NAV3: variants seen among roughly 807,000 people sequenced by gnomAD.
NAV3 encodes the protein neuron navigator 3, also known as pore membrane and/or filament interacting like protein 1.
NAV3 carries 87 observed loss-of-function variants against 244.7 expected under a neutral mutation model. The observed-to-expected ratio is 0.36, with a 90% CI of 0.30 to 0.42. The LOEUF (loss-of-function observed/expected upper bound fraction) is 0.42, where lower values mean the gene tolerates loss of function less well. Among genes scored for constraint, NAV3 ranks in the 20% least tolerant of loss-of-function variants. The probability of loss-of-function intolerance (pLI) is 1.00; values close to 1 mark genes in which losing one functional copy is unlikely to be tolerated. For synonymous variants in NAV3, 1,126 were observed against 1,042.2 expected (o/e 1.08, Z -1.55); for missense variants, 2,663 against 2,893.3 (o/e 0.92, Z 1.83).
chr12:77,705,857 T>TC (rs1875775002), intron 2 of NAV3, among the ~76,000 whole-genome samples: 1 of 151,584 alleles, frequency 6.6e-6, no homozygotes, highest in East Asian at 1.9e-4. Context: ...TGATTTTTTT[T>TC]CTTTGTCTTA....
At chr12:77,840,855 A>G (rs777446317) in intron 1 of NAV3, among the ~76,000 whole-genome samples, 10 of 152,168 alleles carry the variant, frequency 6.6e-5, no homozygotes, top group Non-Finnish European at 1.3e-4. Context: ...TTTCCTCACA[A>G]CAATGTATAG....
intron 5 of NAV3, among the ~76,000 whole-genome samples, chr12:77,968,995 A>G (rs1892758265): frequency 6.6e-6 from 1 of 152,164 alleles, no homozygotes; most frequent in Non-Finnish European, 1.5e-5. Context: ...TCTTCTACAA[A>G]TGACTTTAGT....
upstream of NAV3, among the ~76,000 whole-genome samples, chr12:77,828,066 T>C (rs998001777): frequency 2.6e-5 from 4 of 152,184 alleles, no homozygotes; most frequent in African/African-American, 4.8e-5. Context: ...CAAAAACTCA[T>C]GTTGAAATTT....
chr12:77,661,820 C>T (rs1873463818), intron 2 of NAV3, among the ~76,000 whole-genome samples: 1 of 151,892 alleles, frequency 6.6e-6, no homozygotes. Flanking sequence ...CATTGAGTTG[C>T]CTTGCACCTT....
At chr12:77,682,726 G>A (rs1445040399) in intron 2 of NAV3, among the ~76,000 whole-genome samples, 4 of 151,876 alleles carry the variant, frequency 2.6e-5, no homozygotes, top group Admixed American at 2.6e-4. Flanking sequence ...CTTCACTGTG[G>A]TTTAGATTTG....
At chr12:77,754,391 A>C (rs74106531) in intron 2 of NAV3, among the ~76,000 whole-genome samples, 10 of 152,130 alleles carry the variant, frequency 6.6e-5, no homozygotes, top group African/African-American at 1.9e-4. Context: ...TTCAAGCTAC[A>C]CTCCAACACA....
intron 16 of NAV3, among the ~76,000 whole-genome samples, chr12:78,125,567 T>C (rs2138775916): frequency 6.6e-6 from 1 of 152,330 alleles, no homozygotes; most frequent in East Asian, 1.9e-4. Flanking sequence ...ATGTCAGATC[T>C]GGCAACGCTG....
intron 2 of NAV3, among the ~76,000 whole-genome samples, chr12:77,573,085 G>A (rs1868905968): frequency 6.6e-6 from 1 of 152,136 alleles, no homozygotes; most frequent in South Asian, 2.1e-4. Context: ...GGTGTGTGGG[G>A]ACCCAGTAGC....
At chr12:77,931,306 T>TTG (rs1348069739) in intron 1 of NAV3, among the ~76,000 whole-genome samples, 1 of 151,754 alleles carries the variant, frequency 6.6e-6, no homozygotes, top group Non-Finnish European at 1.5e-5. Flanking sequence ...GTGTGTGTAT[T>TTG]TGTGTGTGTG....
intron 22 of NAV3, among the ~76,000 whole-genome samples, chr12:78,150,639 A>T (rs912370699): frequency 1.5e-5 from 2 of 133,072 alleles, no homozygotes; most frequent in South Asian, 2.2e-4. Context: ...CCTCACACAC[A>T]CACACACACA....
intron 8 of NAV3, among the ~76,000 whole-genome samples, chr12:78,021,184 G>A (rs1165754582): frequency 6.6e-6 from 1 of 152,084 alleles, no homozygotes; most frequent in Non-Finnish European, 1.5e-5. Flanking sequence ...TACATACATA[G>A]ACAAATGTGA....
At chr12:78,053,675 A>G (rs1432490002) in intron 11 of NAV3, among the ~76,000 whole-genome samples, 3 of 152,186 alleles carry the variant, frequency 2.0e-5, no homozygotes, top group African/African-American at 4.8e-5. Context: ...CTCAGCATAA[A>G]AACACAAAAA....
chr12:78,199,762 C>T (rs1959440751), intron 37 of NAV3, among the ~76,000 whole-genome samples: 1 of 151,768 alleles, frequency 6.6e-6, no homozygotes, highest in South Asian at 2.1e-4. Flanking sequence ...CAGATAAGTT[C>T]AATATGGGCA....
chr12:78,134,279 A>G (rs1956284274), intron 18 of NAV3, among the ~76,000 whole-genome samples: 1 of 152,158 alleles, frequency 6.6e-6, no homozygotes, highest in Non-Finnish European at 1.5e-5. Context: ...CACAGTCAGA[A>G]GAGACCACAT....
At chr12:77,720,475 G>T (rs77014851) in intron 2 of NAV3, among the ~76,000 whole-genome samples, 6,986 of 152,066 alleles carry the variant, frequency 0.046, 208 homozygotes, top group Middle Eastern at 0.071. Context: ...TCTTGTGTCT[G>T]TTTGAAGTAC....
At chr12:77,630,664 G>T (rs1309538010) in intron 2 of NAV3, among the ~76,000 whole-genome samples, 1 of 152,074 alleles carries the variant, frequency 6.6e-6, no homozygotes, top group Non-Finnish European at 1.5e-5. Flanking sequence ...TTTCTTGGCG[G>T]TATTTTCCTA....
intron 6 of NAV3, among the ~76,000 whole-genome samples, chr12:77,996,748 A>G (rs945891530): frequency 6.6e-6 from 1 of 152,212 alleles, no homozygotes; most frequent in African/African-American, 2.4e-5. Flanking sequence ...TCGGATACTA[A>G]TATGAGAGAC....
At chr12:77,996,142 T>G (rs1306007869) in intron 6 of NAV3, among the ~76,000 whole-genome samples, 1 of 152,222 alleles carries the variant, frequency 6.6e-6, no homozygotes, top group Admixed American at 6.5e-5. Context: ...CAATTTGCAT[T>G]ACAAGCAGGG....
intron 2 of NAV3, among the ~76,000 whole-genome samples, chr12:77,626,965 A>G (rs192576689): frequency 8.2e-4 from 125 of 152,300 alleles, no homozygotes; most frequent in African/African-American, 2.6e-3. Context: ...GCCAAACAAT[A>G]AAAGAAAAAG....
Sources: gnomAD v4.1 joint callset for allele counts (sites outside exome capture counted in the v4.1 genomes callset) on GRCh38, gnomAD v4.1.1 for gene constraint, MANE v1.5 for transcripts, NCBI Gene and HGNC (gene_info 2026-07-23, HGNC 2026-07-21) for gene names.